Variants in DPP10 observed in about 807,000 individuals in gnomAD.
DPP10 encodes the protein dipeptidyl peptidase like 10.
Under a neutral mutation model 120.9 loss-of-function variants are expected in DPP10, and 33 were observed. The observed-to-expected ratio is 0.27, with a 90% confidence interval of 0.21 to 0.37. DPP10 has a LOEUF of 0.37. DPP10 is among the 10% of genes least tolerant of loss of function. The pLI is 1.00. For missense variants in DPP10, 816 were observed against 942.8 expected (o/e 0.87, Z 1.76); for synonymous variants, 337 against 326.1 (o/e 1.03, Z -0.36).
At chr2:115,792,161 T>G (rs75598457) in intron 19 of DPP10, among the ~76,000 whole-genome samples, 5,975 of 152,166 alleles carry the variant, frequency 0.039, 389 homozygotes, top group African/African-American at 0.14. Context: ...ATTCTAGTTT[T>G]GCTATTTATT....
chr2:114,645,678 A>G (rs2105453833), intron 1 of DPP10, among the ~76,000 whole-genome samples: 1 of 152,326 alleles, frequency 6.6e-6, no homozygotes, highest in South Asian at 2.1e-4. Flanking sequence ...TTTGCCTGGC[A>G]GAGCTGGGGT....
At position 115,385,351 on chromosome 2, in the gene DPP10, C is replaced by A. The variant is rs1036418267; in HGVS notation, c.271+41439C>A. 1.8e-3 allele frequency among the ~76,000 whole-genome samples: 259 copies of A among 142,936 alleles called. 1 individual carries two copies. Among genetic ancestry groups the A allele is most frequent in the Middle Eastern group, 0.011 (3 of 274 alleles). 93.8% of individuals were successfully genotyped at this position (142,936 alleles called of 152,430 possible). ...TTTGTTCAATCATATTTCTGTCTTT[C>A]TTTTTTTTTTTTTTTTAAATCAAGA... On this transcript the variant is annotated intron_variant, in intron 3 of 25. Transcript: ENST00000410059.
intron 8 of DPP10, among the ~76,000 whole-genome samples, chr2:115,736,877 C>G (rs112706278): frequency 6.6e-6 from 1 of 152,084 alleles, no homozygotes. Context: ...TCCTAAACCT[C>G]CCTGTCACTA....
chr2:114,954,225 C>T (rs1248463231), intron 1 of DPP10, among the ~76,000 whole-genome samples: 6 of 151,582 alleles, frequency 4.0e-5, no homozygotes, highest in Non-Finnish European at 8.8e-5. Flanking sequence ...GGACTACAGG[C>T]GCCCGCCACC....
intron 1 of DPP10, among the ~76,000 whole-genome samples, chr2:114,848,996 G>A (rs548639728): frequency 6.6e-6 from 1 of 152,206 alleles, no homozygotes; most frequent in South Asian, 2.1e-4. Flanking sequence ...TACTATCTGG[G>A]GCCTCTTTTA....
intron 1 of DPP10, among the ~76,000 whole-genome samples, chr2:115,168,390 C>T (rs2053066316): frequency 6.6e-6 from 1 of 152,082 alleles, no homozygotes; most frequent in East Asian, 1.9e-4. Context: ...CAAAAAGAAG[C>T]CAGATAAATG....
chr2:115,644,987 A>C lies in DPP10; in HGVS notation c.442-44700A>C, dbSNP rs116511187. Among the ~76,000 whole-genome samples the C allele has an allele frequency of 6.4e-3, 973 of 152,290 alleles. 5 individuals are homozygous for C. The highest frequency in any genetic ancestry group is 0.01 in the Non-Finnish European group (713 of 68,026). ...TTGCAATATGAGTAAGTCAGAGGAA[A>C]ACTGATAGAGTAGGAAAGTCAGATT... is the stretch of plus-strand genomic sequence containing the variant. On this transcript the variant is annotated intron_variant, in intron 5 of 25. Transcript: ENST00000410059.
chr2:114,638,034 G>T (rs1259445714), intron 1 of DPP10, among the ~76,000 whole-genome samples: 2 of 151,904 alleles, frequency 1.3e-5, no homozygotes. Flanking sequence ...CATATTGGTA[G>T]TTTGATAGGA....
chr2:115,655,879 G>A (rs1252759201), intron 5 of DPP10, among the ~76,000 whole-genome samples: 1 of 151,566 alleles, frequency 6.6e-6, no homozygotes, highest in Non-Finnish European at 1.5e-5. Context: ...ATGAGAAGGA[G>A]CTTTGGCAAT....
At position 115,766,737 on chromosome 2, in the gene DPP10, C is replaced by T. The variant is rs371782258; in HGVS notation, c.1114-1560C>T. Reference sequence around the variant, plus strand: ...TTCTAGGGAGGCCTCAGAAAGCTTCCAGTCATGGCGGAAGGCAAATGGGGA... The same window carrying T: ...TTCTAGGGAGGCCTCAGAAAGCTTCTAGTCATGGCGGAAGGCAAATGGGGA... On this transcript the variant is annotated intron_variant, in intron 12 of 25. Coordinates refer to ENST00000410059, the MANE Select transcript of DPP10 (RefSeq NM_020868.6). 7.9e-5 allele frequency among the ~76,000 whole-genome samples: 12 copies of T among 152,218 alleles called. No homozygotes were observed. The East Asian group carries it at 1.9e-3, about 25-fold the overall frequency.
intron 5 of DPP10, among the ~76,000 whole-genome samples, chr2:115,583,057 G>T (rs1422192628): frequency 6.6e-6 from 1 of 152,206 alleles, no homozygotes; most frequent in African/African-American, 2.4e-5. Flanking sequence ...TGGATCTCAA[G>T]AAGAGGAATT....
At chr2:114,832,392 G>A (rs1476800245) in intron 1 of DPP10, among the ~76,000 whole-genome samples, 5 of 152,126 alleles carry the variant, frequency 3.3e-5, no homozygotes, top group Non-Finnish European at 7.3e-5. Context: ...AAAATTAGCC[G>A]GGCGTGTTGG....
chr2:114,681,453 C>T (rs538595227), intron 1 of DPP10, among the ~76,000 whole-genome samples: 9 of 152,012 alleles, frequency 5.9e-5, no homozygotes, highest in African/African-American at 2.2e-4. Flanking sequence ...TCATCTATTT[C>T]ATAGGGACCA....
intron 1 of DPP10, among the ~76,000 whole-genome samples, chr2:115,195,485 A>C (rs1200568859): frequency 6.6e-6 from 1 of 152,148 alleles, no homozygotes; most frequent in South Asian, 2.1e-4. Flanking sequence ...CTGTCCAGCT[A>C]TTCTCTTCTG....
chr2:115,633,055 A>G (rs559904942), intron 5 of DPP10, among the ~76,000 whole-genome samples: 1 of 152,340 alleles, frequency 6.6e-6, no homozygotes, highest in East Asian at 1.9e-4. Flanking sequence ...TAGAAATACC[A>G]TTTGACCCAG....
intron 1 of DPP10, among the ~76,000 whole-genome samples, chr2:114,739,466 C>T (rs1330024779): frequency 6.6e-6 from 1 of 152,108 alleles, no homozygotes; most frequent in Non-Finnish European, 1.5e-5. Context: ...CAAGACAAGC[C>T]TTCCCAACAT....
At chr2:115,325,309 A>T (rs1031339091) in intron 2 of DPP10, among the ~76,000 whole-genome samples, 2 of 152,200 alleles carry the variant, frequency 1.3e-5, no homozygotes, top group Non-Finnish European at 2.9e-5. Context: ...CTTGCAATAA[A>T]AATGTCAGAG....
At chr2:114,684,182 C>T (rs945265047) in intron 1 of DPP10, among the ~76,000 whole-genome samples, 2 of 151,852 alleles carry the variant, frequency 1.3e-5, no homozygotes, top group Non-Finnish European at 2.9e-5. Context: ...TTTCAGGTAA[C>T]CCTGAGCCAG....
chr2:114,883,045 G>T (rs57141403), intron 1 of DPP10, among the ~76,000 whole-genome samples: 41,677 of 152,158 alleles, frequency 0.27, 6,273 homozygotes, highest in South Asian at 0.42. Flanking sequence ...GTAAGTGAAA[G>T]AAATGCAAGC....
Sources: allele counts gnomAD v4.1 joint callset (sites outside exome capture counted in the v4.1 genomes callset), GRCh38; gene constraint gnomAD v4.1.1; transcripts MANE v1.5; gene names NCBI Gene and HGNC (gene_info 2026-07-23, HGNC 2026-07-21).